The following STX17 variants were observed in gnomAD, a reference collection of about 807,000 sequenced individuals.
STX17 encodes syntaxin 17.
STX17 carries 29 observed loss-of-function variants against 35.9 expected under a neutral mutation model. The ratio of observed to expected loss-of-function variants is 0.81; its 90% confidence interval spans 0.60 to 1.10. STX17 has a LOEUF of 1.10. Ranked by LOEUF, STX17 falls within the 50% of genes least tolerant of loss-of-function variation. The pLI is 0.00. For synonymous variants in STX17, 92 were observed against 118.3 expected (o/e 0.78, Z 1.44); for missense variants, 312 against 352.3 (o/e 0.89, Z 0.92).
At position 99,970,245 on chromosome 9, in the gene STX17, A is replaced by G. The variant is rs2118558483; in HGVS notation, c.*1572A>G. Reference sequence around the variant, plus strand: ...ATGGCTACCTTTCATGTCCCTGTCTAAAGAGACTTTCTCTTTCATACGTCT... The same window carrying G: ...ATGGCTACCTTTCATGTCCCTGTCTGAAGAGACTTTCTCTTTCATACGTCT... On this transcript the variant is annotated 3_prime_UTR_variant, in exon 8 of 8. Coordinates refer to ENST00000259400, the MANE Select transcript of STX17 (RefSeq NM_017919.3). The G allele has an allele frequency of 6.6e-6, 1 of 152,284 alleles. No homozygotes were observed. Among genetic ancestry groups the G allele is most frequent in the South Asian group, 2.1e-4 (1 of 4,824 alleles). The allele number at this position is 152,284 out of a possible 1,614,324, so 9.4% of individuals were successfully genotyped here. A position where few individuals can be genotyped will look rare whatever the true frequency, so the allele number is the denominator to read the frequency against.
At chr9:99,910,542 CT>C (rs951130560) in intron 1 of STX17, among the ~76,000 whole-genome samples, 56 of 151,928 alleles carry the variant, frequency 3.7e-4, no homozygotes, top group African/African-American at 1.3e-3. Flanking sequence ...TTTTATGTTA[CT>C]TTTTTCAATT....
chr9:99,963,043 T>A (rs898140933), intron 6 of STX17, among the ~76,000 whole-genome samples: 3 of 152,172 alleles, frequency 2.0e-5, no homozygotes, highest in Non-Finnish European at 4.4e-5. Flanking sequence ...TTTAAAAAAC[T>A]TACAAGATAG....
At chr9:99,938,947 C>T (rs1419416778) in intron 3 of STX17, among the ~76,000 whole-genome samples, 1 of 152,110 alleles carries the variant, frequency 6.6e-6, no homozygotes, top group African/African-American at 2.4e-5. Flanking sequence ...GATTCTGATT[C>T]AGTAGATCTC....
In STX17 at chr9:99,970,385, C is replaced by T. The variant is rs564803500; in HGVS notation, c.*1712C>T. ...TTATATCATTAACATATTAATAATACCAAGAAGGAAATACTTTGAATAAGT... is the reference window on the plus strand; with the variant it reads ...TTATATCATTAACATATTAATAATATCAAGAAGGAAATACTTTGAATAAGT... On this transcript the variant is annotated 3_prime_UTR_variant, in exon 8 of 8. Transcript: ENST00000259400. 4.0e-4 allele frequency: 61 copies of T among 152,210 alleles called. No homozygotes were observed. Among genetic ancestry groups the T allele is most frequent in the African/African-American group, 1.4e-3 (60 of 41,516 alleles). 9.4% of individuals were successfully genotyped at this position (152,210 alleles called of 1,614,324 possible). A position where few individuals can be genotyped will look rare whatever the true frequency, so the allele number is the denominator to read the frequency against.
intron 3 of STX17, among the ~76,000 whole-genome samples, chr9:99,944,078 A>C (rs1829425538): frequency 6.6e-6 from 1 of 151,834 alleles, no homozygotes; most frequent in African/African-American, 2.4e-5. Flanking sequence ...ATTTCATCTA[A>C]GTTTTCTAAT....
At chr9:99,967,322 G>A (rs1440174317) in intron 6 of STX17, 3 of 175,974 alleles carry the variant, frequency 1.7e-5, no homozygotes, top group Non-Finnish European at 3.6e-5. Context: ...AACCCAACAT[G>A]ACATGTAAAT....
chr9:99,954,664 A>G (rs1829672386), intron 4 of STX17, among the ~76,000 whole-genome samples: 2 of 152,008 alleles, frequency 1.3e-5, no homozygotes. Context: ...TATATGGAAA[A>G]TCTGTTTTAT....
At chr9:99,946,947 T>G (rs1023795017) in intron 3 of STX17, among the ~76,000 whole-genome samples, 4 of 152,156 alleles carry the variant, frequency 2.6e-5, no homozygotes, top group Admixed American at 6.5e-5. Flanking sequence ...TATTTTTCCT[T>G]TTATTTATTC....
At chr9:99,951,309 T>C (rs3739794) in intron 4 of STX17, 24 bp downstream of exon 4, 566,442 of 1,604,988 alleles carry the variant, frequency 0.35, 105,913 homozygotes, top group East Asian at 0.72. Context: ...CTAAGTCTTA[T>C]TCTCAGTCAC....
intron 4 of STX17, among the ~76,000 whole-genome samples, chr9:99,956,373 C>T (rs1007960115): frequency 2.0e-5 from 3 of 151,940 alleles, no homozygotes; most frequent in African/African-American, 7.3e-5. Context: ...TAAATTATGG[C>T]TTTAAAAAAT....
rs188502775 is a variant in STX17 at position 99,931,173 on chromosome 9, G to A, written c.189+2330G>A. On this transcript the variant is annotated intron_variant, in intron 3 of 7. Coordinates refer to ENST00000259400, the MANE Select transcript of STX17 (RefSeq NM_017919.3). ...TTTTTGTATTTTTAGTAGAAACGGG[G>A]TTTCACCATGTTGGCCAGAATGGTC... Among the ~76,000 whole-genome samples, 788 of 152,204 alleles carry A rather than the reference G, an allele frequency of 5.2e-3. 8 individuals carry two copies. Among genetic ancestry groups the A allele is most frequent in the African/African-American group, 0.017 (717 of 41,554 alleles).
chr9:99,934,841 A>AT (rs1829198336), intron 3 of STX17, among the ~76,000 whole-genome samples: 1 of 152,146 alleles, frequency 6.6e-6, no homozygotes, highest in South Asian at 2.1e-4. Context: ...ATAATTAGCC[A>AT]TTTTTCAGAA....
chr9:99,916,973 G>C (rs1000728152), intron 2 of STX17, among the ~76,000 whole-genome samples: 3 of 152,080 alleles, frequency 2.0e-5, no homozygotes, highest in Admixed American at 1.3e-4. Context: ...GTCATCAATG[G>C]AAAAGCCAGG....
chr9:99,966,253 A>G (rs932771293), intron 6 of STX17, among the ~76,000 whole-genome samples: 1 of 152,242 alleles, frequency 6.6e-6, no homozygotes, highest in Non-Finnish European at 1.5e-5. Context: ...AAAACTGATA[A>G]GGGACTTTCT....
At chr9:99,927,627 A>G (rs1248560764) in intron 2 of STX17, among the ~76,000 whole-genome samples, 1 of 152,114 alleles carries the variant, frequency 6.6e-6, no homozygotes, top group South Asian at 2.1e-4. Context: ...GGCACCTGCC[A>G]TCATGCCCAG....
intron 2 of STX17, among the ~76,000 whole-genome samples, chr9:99,917,080 A>T (rs1828792086): frequency 1.3e-5 from 2 of 152,166 alleles, no homozygotes; most frequent in African/African-American, 4.8e-5. Context: ...TCTCTGCCAG[A>T]CATTTTTTTC....
chr9:99,945,482 C>A (rs1026916344), intron 3 of STX17, among the ~76,000 whole-genome samples: 1 of 151,926 alleles, frequency 6.6e-6, no homozygotes, highest in African/African-American at 2.4e-5. Flanking sequence ...TTGAACCATT[C>A]TTTTCTTTAT....
intron 1 of STX17, among the ~76,000 whole-genome samples, chr9:99,911,288 C>T (rs1828658927): frequency 6.6e-6 from 1 of 152,158 alleles, no homozygotes; most frequent in South Asian, 2.1e-4. Context: ...CCGCCTCCAC[C>T]TCCCAAAGTG....
chr9:99,923,950 G>A (rs1378706586), intron 2 of STX17, among the ~76,000 whole-genome samples: 2 of 152,138 alleles, frequency 1.3e-5, no homozygotes, highest in African/African-American at 4.8e-5. Flanking sequence ...ACCTCCATGT[G>A]ATCATCTCTC....
Sources: allele counts gnomAD v4.1 joint callset (sites outside exome capture counted in the v4.1 genomes callset), GRCh38; gene constraint gnomAD v4.1.1; transcripts MANE v1.5; gene names NCBI Gene and HGNC (gene_info 2026-07-23, HGNC 2026-07-21).